Variants in TRIM37 observed in about 807,000 individuals in gnomAD.
TRIM37 encodes the protein tripartite motif containing 37, also known as E3 ubiquitin-protein ligase TRIM37.
In TRIM37, 80 loss-of-function variants were observed where a neutral mutation model predicts 129.8. That is an observed-to-expected ratio of 0.62 (90% CI 0.51 to 0.74). The LOEUF (loss-of-function observed/expected upper bound fraction) is 0.74, where lower values mean the gene tolerates loss of function less well. TRIM37 is among the 30% of genes least tolerant of loss of function. The pLI is 0.00. For synonymous variants in TRIM37, 389 were observed against 387.1 expected, an observed-to-expected ratio of 1.00 and a Z score of -0.06; for missense variants, 1,054 against 1,176.5, an observed-to-expected ratio of 0.90 and a Z score of 1.52.
chr17:59,029,698 G>T (rs936736571), intron 18 of TRIM37, among the ~76,000 whole-genome samples: 3 of 152,158 alleles, frequency 2.0e-5, no homozygotes, highest in Non-Finnish European at 2.9e-5. Flanking sequence ...CAGGAGTTTT[G>T]AGACAAACCT....
At chr17:59,012,227 G>GCAGCAGCAGCAC (rs72443487) in intron 22 of TRIM37, 101 bp downstream of exon 22, 177 of 611,932 alleles carry the variant, frequency 2.9e-4, no homozygotes, top group Admixed American at 1.6e-3. Flanking sequence ...AGCAGCAGCA[G>GCAGCAGCAGCAC]CACCACCACC....
At chr17:59,012,227 G>GCAGCCGCAGCAGCAGCAC in intron 22 of TRIM37, 101 bp downstream of exon 22, 2 of 610,752 alleles carry the variant, frequency 3.3e-6, no homozygotes, top group Non-Finnish European at 5.9e-6. Flanking sequence ...AGCAGCAGCA[G>GCAGCCGCAGCAGCAGCAC]CACCACCACC....
chr17:59,078,377 TCA>T (rs1333267900), intron 7 of TRIM37, among the ~76,000 whole-genome samples: 14 of 152,158 alleles, frequency 9.2e-5, no homozygotes. Flanking sequence ...GGAAGTTATT[TCA>T]CAGTTATACA....
chr17:59,076,959 T>G, intron 7 of TRIM37, among the ~76,000 whole-genome samples: 1 of 152,138 alleles, frequency 6.6e-6, no homozygotes, highest in Non-Finnish European at 1.5e-5. Flanking sequence ...CGGTTAATTT[T>G]GTATTTTTAG....
Position 59,017,417 on chromosome 17 carries a change from A to C in TRIM37, c.2265T>G (p.Asn755Lys), listed in dbSNP as rs2036085476. 1 of 1,613,848 alleles carries C rather than the reference A, an allele frequency of 6.2e-7. No homozygotes were observed. Among genetic ancestry groups the C allele is most frequent in the African/African-American group, 1.3e-5 (1 of 74,886 alleles). Residue 755 changes from asparagine to lysine, a missense_variant, in exon 20 of 24, where the codon AAT (asparagine) becomes AAG (lysine). Transcript: ENST00000262294. ...VANCYIRNST[N>K]KKSNSPKPAR... ...CTGGCTTGGGCGAATTACTCTTCTT[A>C]TTTGTGGCTGCAAAGACATTTAAGA...
intron 19 of TRIM37, among the ~76,000 whole-genome samples, chr17:59,021,713 C>A (rs1291634979): frequency 1.3e-5 from 2 of 151,954 alleles, no homozygotes; most frequent in African/African-American, 4.8e-5. Context: ...GTTAGTACAA[C>A]AGTGACTACA....
At chr17:59,010,540 C>T (rs1567963571) in intron 22 of TRIM37, among the ~76,000 whole-genome samples, 1 of 152,194 alleles carries the variant, frequency 6.6e-6, no homozygotes, top group African/African-American at 2.4e-5. Context: ...GTCGTCCAGG[C>T]TGGAGTGCAG....
chr17:59,091,384 C>A, intron 2 of TRIM37, 44 bp from the exon 3 acceptor site: 3 of 961,202 alleles, frequency 3.1e-6, no homozygotes, highest in Non-Finnish European at 4.2e-6. Flanking sequence ...AACATCATTA[C>A]TATATATATA....
intron 13 of TRIM37, among the ~76,000 whole-genome samples, chr17:59,051,607 T>TA (rs1223098221): frequency 6.6e-6 from 1 of 152,212 alleles, no homozygotes; most frequent in Non-Finnish European, 1.5e-5. Flanking sequence ...TATAATAATG[T>TA]AACTAAAATA....
chr17:58,980,338 C>G, downstream of TRIM37: 1 of 1,614,082 alleles, frequency 6.2e-7, no homozygotes, highest in Non-Finnish European at 8.5e-7. The surrounding 1 kb of genome is among the most constrained non-coding windows in gnomAD (Gnocchi z 4.7). Flanking sequence ...ATGGAGAGTG[C>G]AAACGCCCTT....
intron 17 of TRIM37, among the ~76,000 whole-genome samples, chr17:59,036,798 TTAGAC>T (rs2038570696): frequency 6.6e-6 from 1 of 152,058 alleles, no homozygotes; most frequent in Non-Finnish European, 1.5e-5. Flanking sequence ...ACATAACTCT[TTAGAC>T]AATTGTGTAG....
chr17:58,999,054 A>C lies in TRIM37; in HGVS notation c.*323T>G, dbSNP rs2033330548. The C allele has an allele frequency of 5.1e-6, 6 of 1,168,150 alleles. No homozygotes were observed. In the South Asian group the frequency reaches 9.8e-5, roughly 19 times the overall value. 72.4% of individuals were successfully genotyped at this position (1,168,150 alleles called of 1,614,324 possible). ...CTGACGGCATGCAGGGCCTGGAGGT[A>C]CATTTTCTGGCAGTTAACCAGCCTT... is the stretch of plus-strand genomic sequence containing the variant. On this transcript the variant is annotated 3_prime_UTR_variant, in exon 24 of 24. Transcript: ENST00000262294.
At chr17:58,971,116 C>T in the TRIM37 span, among the ~76,000 whole-genome samples, 1 of 152,078 alleles carries the variant, frequency 6.6e-6, no homozygotes, top group Non-Finnish European at 1.5e-5. Context: ...GTGCTGCTAA[C>T]TGCTGGGAAG....
intron 17 of TRIM37, among the ~76,000 whole-genome samples, chr17:59,039,489 G>A (rs1293007782): frequency 6.6e-6 from 1 of 152,062 alleles, no homozygotes; most frequent in Non-Finnish European, 1.5e-5. Flanking sequence ...TGGGACTACA[G>A]GCGCCTGCCA....
chr17:58,980,781 A>G (rs767191139), downstream of TRIM37: 17 of 1,614,038 alleles, frequency 1.1e-5, no homozygotes, highest in Non-Finnish European at 1.2e-5. This position sits in a 1 kb window ranked among gnomAD's most constrained non-coding sequence, Gnocchi z 4.7. Flanking sequence ...TTACGCCACC[A>G]CTACTCAAAG....
intron 24 of TRIM37, chr17:58,983,943 C>CTAAT (rs1159355335): frequency 6.6e-6 from 1 of 152,584 alleles, no homozygotes; most frequent in African/African-American, 2.4e-5. Context: ...GAGTCAGTCC[C>CTAAT]TAATTTACAG....
At chr17:59,012,301 C>A in intron 22 of TRIM37, 27 bp downstream of exon 22, 1 of 1,495,510 alleles carries the variant, frequency 6.7e-7, no homozygotes, top group Non-Finnish European at 9.3e-7. Context: ...TCATTTCCTG[C>A]TTACTTATAA....
intron 3 of TRIM37, 48 bp downstream of exon 3, chr17:59,091,252 G>T: frequency 1.3e-6 from 2 of 1,485,656 alleles, no homozygotes; most frequent in African/African-American, 1.4e-5. Flanking sequence ...GGCACATTCT[G>T]ATCTTACTAT....
At chr17:58,972,730 T>A in the TRIM37 span, 18 of 1,053,872 alleles carry the variant, frequency 1.7e-5, no homozygotes, top group Non-Finnish European at 2.9e-6. Flanking sequence ...AAAGAGAACC[T>A]TTTCATGAGC....
Sources: gnomAD v4.1 joint callset for allele counts (sites outside exome capture counted in the v4.1 genomes callset) on GRCh38, gnomAD v4.1.1 for gene constraint, Gnocchi (gnomAD v3.1) non-coding constraint, MANE v1.5 for transcripts, NCBI Gene and HGNC (gene_info 2026-07-23, HGNC 2026-07-21) for gene names.